PSPH: variants seen among roughly 807,000 people sequenced by gnomAD.
The protein encoded by PSPH is phosphoserine phosphatase.
Under a neutral mutation model 23.4 loss-of-function variants are expected in PSPH, and 16 were observed. The observed-to-expected ratio is 0.68, with a 90% CI of 0.46 to 1.04. The LOEUF is 1.04. Among genes scored for constraint, PSPH ranks in the 50% least tolerant of loss-of-function variants. PSPH has a pLI of 0.00. For synonymous variants in PSPH, 68 were observed against 99.7 expected (o/e 0.68, Z 1.89); for missense variants, 223 against 273.7 (o/e 0.81, Z 1.31).
In PSPH at chr7:56,042,659, A is replaced by C. The variant is rs1235860516; in HGVS notation, c.-292+8479T>G. Among the ~76,000 whole-genome samples the C allele has an allele frequency of 4.7e-5, 7 of 149,042 alleles. No homozygotes were observed. In the East Asian group the frequency reaches 1.4e-3, roughly 29 times the overall value. ...GAGTGGGACCCTGTCTCAGAAGGAA[A>C]AAAAAAAAAAAAAGGATGTAGAAGG... On this transcript the variant is annotated intron_variant, in intron 1 of 7. Coordinates refer to ENST00000275605, the MANE Select transcript of PSPH (RefSeq NM_004577.4).
At chr7:56,035,437 G>C (rs1791603832) in intron 1 of PSPH, among the ~76,000 whole-genome samples, 1 of 152,016 alleles carries the variant, frequency 6.6e-6, no homozygotes, top group Non-Finnish European at 1.5e-5. Flanking sequence ...TACCACTGGA[G>C]TTAGCTGGCT....
chr7:56,019,460 AT>A (rs1789014306), intron 5 of PSPH, 139 bp downstream of exon 5: 1 of 1,164,120 alleles, frequency 8.6e-7, no homozygotes, highest in African/African-American at 1.6e-5. Context: ...ATTTAAAAAA[AT>A]AATTAAAAAA....
At chr7:56,027,814 G>A (rs1044760432) in intron 3 of PSPH, among the ~76,000 whole-genome samples, 4 of 150,490 alleles carry the variant, frequency 2.7e-5, no homozygotes, top group African/African-American at 9.8e-5. Flanking sequence ...CACTTTGGGA[G>A]GCTAAGACAG....
intron 1 of PSPH, among the ~76,000 whole-genome samples, chr7:56,049,267 C>G (rs1485178175): frequency 6.6e-6 from 1 of 151,946 alleles, no homozygotes; most frequent in Non-Finnish European, 1.5e-5. Flanking sequence ...AGGTATTTGT[C>G]TTAATGCTCT....
intron 2 of PSPH, chr7:56,033,012 A>C (rs1376682405): frequency 6.6e-6 from 1 of 151,976 alleles, no homozygotes; most frequent in African/African-American, 2.4e-5. Context: ...ATCATTTGAA[A>C]ATTTTAAAAG....
intron 1 of PSPH, among the ~76,000 whole-genome samples, chr7:56,043,535 G>A (rs1321550930): frequency 1.3e-5 from 2 of 151,816 alleles, no homozygotes; most frequent in Non-Finnish European, 2.9e-5. Flanking sequence ...AAGATATAGA[G>A]GCTGGGCGTG....
rs920415835 is a variant in PSPH, at chr7:56,037,998, C to A, written c.-291-3892G>T. The stretch of plus-strand genomic sequence containing the variant: ...AAAGTGCTGGGATTACAAGAGTGAG[C>A]CACCGTGCCCAGCCACAAATTTTCT... On this transcript the variant is annotated intron_variant, in intron 1 of 7. Coordinates refer to ENST00000275605, the MANE Select transcript of PSPH (RefSeq NM_004577.4). Among the ~76,000 whole-genome samples the A allele has an allele frequency of 4.0e-4, 61 of 151,574 alleles. 1 individual carries two copies. The highest frequency in any genetic ancestry group is 2.6e-4 in the Admixed American group (4 of 15,174).
In PSPH at chr7:56,013,564, G is replaced by C. The variant is rs146693383; in HGVS notation, c.570+1459C>G. On this transcript the variant is annotated intron_variant, in intron 7 of 7. Transcript: ENST00000275605. ...TCTCAGAAAATGACATTAATTCAGA[G>C]GAATAAAATGCTGTTGTGGTGTGGG... Among the ~76,000 whole-genome samples, 617 of 151,518 alleles carry C rather than the reference G, an allele frequency of 4.1e-3. 2 individuals carry two copies. The highest frequency in any genetic ancestry group is 0.013 in the African/African-American group (546 of 41,324).
Position 56,021,213 on chromosome 7 carries a change from C to T in PSPH, c.-1G>A, listed in dbSNP as rs750648151. On this transcript the variant is annotated 5_prime_UTR_variant, in exon 4 of 8. Transcript: ENST00000275605. ...TCCTCAGCTCTGAGTGGGAGACCAT[C>T]GCTGGAAGAATTTTCCTCCTACAAG... 42 of 1,613,868 alleles carry T rather than the reference C, an allele frequency of 2.6e-5. No homozygotes were observed. Among genetic ancestry groups the T allele is most frequent in the African/African-American group, 2.1e-4 (16 of 74,942 alleles).
chr7:56,013,937 G>A (rs1395459644), intron 7 of PSPH, among the ~76,000 whole-genome samples: 1 of 151,988 alleles, frequency 6.6e-6, no homozygotes, highest in Non-Finnish European at 1.5e-5. Flanking sequence ...AGACCAGCCT[G>A]GGAAATATAG....
chr7:56,041,317 A>T (rs978056166), intron 1 of PSPH, among the ~76,000 whole-genome samples: 2 of 149,082 alleles, frequency 1.3e-5, no homozygotes, highest in Admixed American at 1.4e-4. Context: ...GGTTCAAGCG[A>T]TTCTTCTGCC....
At chr7:56,020,714 G>A (rs973694075) in intron 4 of PSPH, among the ~76,000 whole-genome samples, 11 of 152,016 alleles carry the variant, frequency 7.2e-5, no homozygotes, top group African/African-American at 2.4e-4. Flanking sequence ...GAGGGCAGGA[G>A]GGAGAGAGGG....
At chr7:56,012,885 G>A in intron 7 of PSPH, among the ~76,000 whole-genome samples, 1 of 149,812 alleles carries the variant, frequency 6.7e-6, no homozygotes. Flanking sequence ...GTGAGCCACT[G>A]CGCCTGGCCA....
chr7:56,020,422 C>G (rs1254299595), intron 4 of PSPH, among the ~76,000 whole-genome samples: 1 of 151,722 alleles, frequency 6.6e-6, no homozygotes, highest in Non-Finnish European at 1.5e-5. Context: ...GTCAGGAGTT[C>G]GAGACTACCC....
At chr7:56,025,686 C>T (rs369871670) in intron 3 of PSPH, among the ~76,000 whole-genome samples, 1 of 152,102 alleles carries the variant, frequency 6.6e-6, no homozygotes, top group East Asian at 1.9e-4. Context: ...CTCCCCATCC[C>T]GGGTTCAAGC....
chr7:56,022,112 G>A (rs1363012243), intron 3 of PSPH, among the ~76,000 whole-genome samples: 2 of 152,118 alleles, frequency 1.3e-5, no homozygotes, highest in African/African-American at 2.4e-5. Flanking sequence ...AGGATTGCTT[G>A]AGGCCAGGAG....
chr7:56,041,209 CTTTTTT>C (rs1163943212), intron 1 of PSPH, among the ~76,000 whole-genome samples: 2 of 130,406 alleles, frequency 1.5e-5, no homozygotes, highest in Non-Finnish European at 1.6e-5. Context: ...CTCTCTCTCT[CTTTTTT>C]TTTTTTTTTT....
At chr7:56,019,792 G>T in intron 4 of PSPH, 58 bp from the exon 5 acceptor site, 1 of 1,603,284 alleles carries the variant, frequency 6.2e-7, no homozygotes. Context: ...AGGTTAACAT[G>T]CCTTACTGCC....
At chr7:56,013,529 C>T (rs1260899191) in intron 7 of PSPH, among the ~76,000 whole-genome samples, 1 of 103,578 alleles carries the variant, frequency 9.7e-6, no homozygotes, top group Non-Finnish European at 2.2e-5. Context: ...AAAAATAAAA[C>T]CTCTGCTAGT....
Sources: allele counts gnomAD v4.1 joint callset (sites outside exome capture counted in the v4.1 genomes callset), GRCh38; gene constraint gnomAD v4.1.1; transcripts MANE v1.5; gene names NCBI Gene and HGNC (gene_info 2026-07-23, HGNC 2026-07-21).